Variants in RBM42 observed in about 807,000 individuals in gnomAD.
RBM42 encodes the protein RNA-binding protein 42.
A neutral mutation model predicts 41.4 loss-of-function variants in RBM42; 21 were observed. That is an observed-to-expected ratio of 0.51 (90% confidence interval 0.36 to 0.73). RBM42 has a LOEUF of 0.73. Ranked by LOEUF, RBM42 falls within the 30% of genes least tolerant of loss-of-function variation. RBM42 has a pLI of 0.00. For synonymous variants in RBM42, 272 were observed against 271.2 expected, an observed-to-expected ratio of 1.00 and a Z score of -0.03; for missense variants, 539 against 680.4, an observed-to-expected ratio of 0.79 and a Z score of 2.31.
At chr19:35,631,075 G>C in intron 2 of RBM42, 65 bp from the exon 3 acceptor site, 2 of 1,417,026 alleles carry the variant, frequency 1.4e-6, no homozygotes, top group Non-Finnish European at 2.0e-6. Flanking sequence ...GTCTCTTGGG[G>C]TGAGCTGGCC....
intron 2 of RBM42, among the ~76,000 whole-genome samples, chr19:35,630,695 G>A (rs541718651): frequency 6.6e-6 from 1 of 152,198 alleles, no homozygotes; most frequent in South Asian, 2.1e-4. Flanking sequence ...GAACCCAGGA[G>A]GCGGAGGTTG....
intron 8 of RBM42, among the ~76,000 whole-genome samples, chr19:35,635,399 CTTCTT>C (rs1160313470): frequency 1.3e-5 from 2 of 151,404 alleles, no homozygotes; most frequent in Non-Finnish European, 2.9e-5. Context: ...AATTCGGTAT[CTTCTT>C]TTCAGTTTAT....
At chr19:35,633,439 A>G (rs141437778) in intron 6 of RBM42, among the ~76,000 whole-genome samples, 187 bp downstream of exon 6, 163 of 152,322 alleles carry the variant, frequency 1.1e-3, no homozygotes, top group African/African-American at 3.9e-3. Context: ...CCTTTTGTGA[A>G]GGGAGTACAG....
rs774793623 is a variant in RBM42, at chr19:35,633,110, G to C, written c.542G>C (p.Arg181Pro). Reference protein sequence around the residue: ...SALSSAAAGPRPMALRPPHQA... With the variant: ...SALSSAAAGPPPMALRPPHQA... ...CTCTCCTCTGCAGCAGCCGGCCCCC[G>C]CCCTATGGCCCTACGGCCCCCTCAC... The change falls in exon 6 of 10, where the codon CGC becomes CCC. Residue 181 changes from arginine (R) to proline (P), a missense_variant. By Grantham distance (103) the Arg-to-Pro change is moderately radical. Coordinates refer to ENST00000262633, the MANE Select transcript of RBM42 (RefSeq NM_024321.5). 1.2e-6 allele frequency: 2 copies of C among 1,610,538 alleles called. No homozygotes were observed. Among genetic ancestry groups the C allele is most frequent in the South Asian group, 2.2e-5 (2 of 90,998 alleles).
intron 4 of RBM42, 143 bp downstream of exon 4, chr19:35,631,548 C>G (rs912473857): frequency 1.1e-5 from 8 of 727,282 alleles, no homozygotes; most frequent in Non-Finnish European, 1.8e-5. Flanking sequence ...CGAACCTGAT[C>G]ATGTCCTTTC....
In RBM42 at chr19:35,633,707, A is replaced by C. The variant is rs778354959; in HGVS notation, c.705A>C (p.Arg235=). The change falls in exon 7 of 10, where the codon CGA becomes CGC. Residue 235 remains arginine (R), a synonymous_variant. Transcript: ENST00000262633. ...CACAGGAAGAGCCAGCAGCACCCCG[A>C]GAGCTGGGCCTAGGCCTGGGGTTGG... ...RPPLEEPAAP[R]ELGLGLGLGL... 6.8e-7 allele frequency: 1 copy of C among 1,466,772 alleles called. No individual in the cohort carries two copies. The highest frequency in any genetic ancestry group is 2.8e-5 in the Admixed American group (1 of 36,202). 90.9% of individuals were successfully genotyped at this position (1,466,772 alleles called of 1,614,324 possible).
At chr19:35,630,572 C>T (rs1306259619) in intron 2 of RBM42, among the ~76,000 whole-genome samples, 8 of 152,124 alleles carry the variant, frequency 5.3e-5, no homozygotes, top group Non-Finnish European at 1.0e-4. Context: ...TCAAGACCAA[C>T]CTGGCCAACA....
chr19:35,630,198 C>T lies in RBM42; in HGVS notation c.282+525C>T, dbSNP rs564704361. The stretch of plus-strand genomic sequence containing the variant: ...GTGTGGTGGCACGTGCCTGTAGTCC[C>T]AGCTACTTGGGAGGCTGAGGCAGGA... On this transcript the variant is annotated intron_variant, in intron 2 of 9. Transcript: ENST00000262633. 7.3e-4 allele frequency among the ~76,000 whole-genome samples: 111 copies of T among 152,024 alleles called. No individual in the cohort carries two copies. The Middle Eastern group carries it at 0.02, about 28-fold the overall frequency.
chr19:35,637,368 C>T lies in RBM42; in HGVS notation c.1330+16C>T, dbSNP rs201829891. ...GAGATGAATGGTGGGTGCGGCCTCC[C>T]CTGGGAACTGCAGGCGCGGCAGGCG... On this transcript the variant is annotated intron_variant, in intron 9 of 9. Coordinates refer to ENST00000262633, the MANE Select transcript of RBM42 (RefSeq NM_024321.5). This position sits in a 1 kb window ranked among gnomAD's most constrained non-coding sequence, Gnocchi z 7.0. 4,381 of 1,613,870 alleles carry T rather than the reference C, an allele frequency of 2.7e-3. 5 individuals are homozygous for T. Among genetic ancestry groups the T allele is most frequent in the Non-Finnish European group, 3.4e-3 (3,981 of 1,179,736 alleles).
At chr19:35,629,706 A>G (rs776013868) in intron 2 of RBM42, 33 bp downstream of exon 2, 39 of 1,611,222 alleles carry the variant, frequency 2.4e-5, no homozygotes, top group Non-Finnish European at 3.3e-5. Flanking sequence ...AAGTCAGGGA[A>G]CACAATGCCT....
At position 35,629,242 on chromosome 19, in the gene RBM42, G is replaced by A; in HGVS notation, c.89G>A (p.Gly30Asp). 1.3e-6 allele frequency: 2 copies of A among 1,537,130 alleles called. No homozygotes were observed. Among genetic ancestry groups the A allele is most frequent in the Non-Finnish European group, 1.7e-6 (2 of 1,144,932 alleles). ...GGCGCTGGCATCCCGGGCAAAAGCG[G>A]CGAGGAACGCTTGAAGGAAATGGAG... Reference protein sequence around the residue: ...GPGAGIPGKSGEERLKEMEAE... With the variant: ...GPGAGIPGKSDEERLKEMEAE... The change falls in exon 1 of 10, where the codon GGC becomes GAC. Residue 30 changes from glycine to aspartate, a missense_variant. Physicochemically the swap from Gly to Asp is moderately conservative, Grantham distance 94. Coordinates refer to ENST00000262633, the MANE Select transcript of RBM42 (RefSeq NM_024321.5).
In RBM42 at chr19:35,629,510, A is replaced by C. The variant is rs746963812; in HGVS notation, c.129-10A>C. 3 of 1,613,708 alleles carry C rather than the reference A, an allele frequency of 1.9e-6. No homozygotes were observed. The highest frequency in any genetic ancestry group is 2.2e-5 in the South Asian group (2 of 91,056). On this transcript the variant is annotated splice_polypyrimidine_tract_variant and intron_variant, in intron 1 of 9. Coordinates refer to ENST00000262633, the MANE Select transcript of RBM42 (RefSeq NM_024321.5). ...GGTCCTGAGCGCTGATGTCTGTTCT[A>C]CTCCTCCAGGTTTGAGCAGGAAGTT...
chr19:35,634,656 A>ATTTTT (rs74276917), intron 8 of RBM42, among the ~76,000 whole-genome samples: 1 of 139,870 alleles, frequency 7.1e-6, no homozygotes, highest in African/African-American at 2.7e-5. Context: ...TAGGATAAAA[A>ATTTTT]TTTTTTTTTT....
intron 2 of RBM42, among the ~76,000 whole-genome samples, chr19:35,630,752 C>T (rs993737767): frequency 4.6e-5 from 7 of 152,146 alleles, no homozygotes; most frequent in African/African-American, 9.7e-5. Context: ...GACAATAGAG[C>T]GAGACTCCGT....
intron 8 of RBM42, among the ~76,000 whole-genome samples, chr19:35,636,052 TC>T (rs1967491861): frequency 6.6e-6 from 1 of 151,954 alleles, no homozygotes; most frequent in South Asian, 2.1e-4. Context: ...GTGTTTGACT[TC>T]CACCCCCTCT....
chr19:35,629,054 C>T lies in RBM42; in HGVS notation c.-100C>T, dbSNP rs1302222210. 4 of 1,434,216 alleles carry T rather than the reference C, an allele frequency of 2.8e-6. No homozygotes were observed. The highest frequency in any genetic ancestry group is 3.7e-6 in the Non-Finnish European group (4 of 1,094,690). The allele number at this position is 1,434,216 out of a possible 1,614,324, so 88.8% of individuals were successfully genotyped here. A position where few individuals can be genotyped will look rare whatever the true frequency, so the allele number is the denominator to read the frequency against. On this transcript the variant is annotated 5_prime_UTR_variant, in exon 1 of 10. Coordinates refer to ENST00000262633, the MANE Select transcript of RBM42 (RefSeq NM_024321.5). Reference sequence around the variant, plus strand: ...GCCCGTCGCTTTTGCTGGACGTCATCCTCGGGAGCCCACCCGGACGAAGGG... The same window carrying T: ...GCCCGTCGCTTTTGCTGGACGTCATTCTCGGGAGCCCACCCGGACGAAGGG...
At position 35,633,685 on chromosome 19, in the gene RBM42, AG is replaced by A; in HGVS notation, c.685del. On this transcript the variant is annotated splice_acceptor_variant, in intron 6 of 9. Coordinates refer to ENST00000262633, the MANE Select transcript of RBM42 (RefSeq NM_024321.5). LOFTEE classifies it high-confidence loss of function. Reference sequence around the variant, plus strand: ...CCCCTCATGCTCTCCTCTTACCCACAGGAAGAGCCAGCAGCACCCCGAGAGC... The same window carrying A: ...CCCCTCATGCTCTCCTCTTACCCACAGAAGAGCCAGCAGCACCCCGAGAGC... 1 of 1,446,236 alleles carries A rather than the reference AG, an allele frequency of 6.9e-7. No individual in the cohort carries two copies. The highest frequency in any genetic ancestry group is 9.1e-7 in the Non-Finnish European group (1 of 1,102,436). The allele number at this position is 1,446,236 out of a possible 1,614,324, so 89.6% of individuals were successfully genotyped here. A position where few individuals can be genotyped will look rare whatever the true frequency, so the allele number is the denominator to read the frequency against.
intron 4 of RBM42, chr19:35,631,664 T>C (rs867833609): frequency 1.9e-6 from 1 of 539,010 alleles, no homozygotes; most frequent in Middle Eastern, 4.9e-4. Context: ...ACAAGCTATA[T>C]AATTTCTTAT....
Position 35,635,511 on chromosome 19 carries a change from C to CT in RBM42, c.1135+1149dup, listed in dbSNP as rs202150435. Among the ~76,000 whole-genome samples, 65 of 91,234 alleles carry CT rather than the reference C, an allele frequency of 7.1e-4. 1 individual carries two copies. In the South Asian group the frequency reaches 0.016, roughly 23 times the overall value. The allele number at this position is 91,234 out of a possible 152,430, so 59.9% of individuals were successfully genotyped here. On this transcript the variant is annotated intron_variant, in intron 8 of 9. Transcript: ENST00000262633. Reference sequence around the variant, plus strand: ...GCAGTTTTATGTCCTTCAATTATATCTTTTTTTTTTTCTTTTTTTTTTTTG... The same window carrying CT: ...GCAGTTTTATGTCCTTCAATTATATCTTTTTTTTTTTTCTTTTTTTTTTTTG...
Sources: allele counts gnomAD v4.1 joint callset (sites outside exome capture counted in the v4.1 genomes callset), GRCh38; gene constraint gnomAD v4.1.1; non-coding constraint Gnocchi (gnomAD v3.1); transcripts MANE v1.5; gene names NCBI Gene and HGNC (gene_info 2026-07-23, HGNC 2026-07-21).